Variants in DLG2 observed in about 807,000 individuals in gnomAD.
The protein encoded by DLG2 is disks large homolog 2.
Under a neutral mutation model 132.5 loss-of-function variants are expected in DLG2, and 45 were observed. That is an observed-to-expected ratio of 0.34 (90% CI 0.27 to 0.44). DLG2 has a LOEUF of 0.44. DLG2 is among the 20% of genes least tolerant of loss of function. The pLI is 1.00. For synonymous variants in DLG2, 424 were observed against 419.6 expected (o/e 1.01, Z -0.13); for missense variants, 1,045 against 1,196.9 (o/e 0.87, Z 1.87).
intron 3 of DLG2, among the ~76,000 whole-genome samples, chr11:85,400,797 G>A (rs1490021419): frequency 6.6e-6 from 1 of 151,756 alleles, no homozygotes; most frequent in East Asian, 1.9e-4. Context: ...TGGGGGGAGA[G>A]GGGAGGGATA....
At chr11:84,744,099 A>G (rs1430337443) in intron 6 of DLG2, among the ~76,000 whole-genome samples, 1 of 152,120 alleles carries the variant, frequency 6.6e-6, no homozygotes, top group East Asian at 1.9e-4. Context: ...GGTTGGGTAG[A>G]TTTTATCCAG....
chr11:83,916,937 G>T (rs1232155124), intron 15 of DLG2, among the ~76,000 whole-genome samples: 1 of 152,110 alleles, frequency 6.6e-6, no homozygotes, highest in Non-Finnish European at 1.5e-5. Flanking sequence ...TCTTGGGTGA[G>T]TCTCTTGATT....
chr11:83,987,011 G>T (rs183191407), intron 11 of DLG2, among the ~76,000 whole-genome samples: 2,517 of 152,122 alleles, frequency 0.017, 36 homozygotes, highest in African/African-American at 0.045. Context: ...TTTGTAGGTT[G>T]CCTGTTCACT....
chr11:83,733,408 A>C (rs2091376737), intron 18 of DLG2, among the ~76,000 whole-genome samples: 3 of 152,160 alleles, frequency 2.0e-5, no homozygotes, highest in African/African-American at 7.2e-5. Flanking sequence ...GACCTATCAC[A>C]TCACTGAAAA....
intron 4 of DLG2, among the ~76,000 whole-genome samples, chr11:85,277,593 T>G (rs1319577936): frequency 6.6e-6 from 1 of 152,158 alleles, no homozygotes; most frequent in Non-Finnish European, 1.5e-5. Context: ...CTGAGTTAAC[T>G]TCAGCCTCAG....
intron 20 of DLG2, among the ~76,000 whole-genome samples, chr11:83,533,164 C>T (rs1592639471): frequency 6.6e-6 from 1 of 152,130 alleles, no homozygotes; most frequent in East Asian, 1.9e-4. Context: ...CTCTTCTCTC[C>T]TCCCTTTTTC....
intron 6 of DLG2, among the ~76,000 whole-genome samples, chr11:84,733,032 A>C (rs903106913): frequency 6.6e-6 from 1 of 151,866 alleles, no homozygotes; most frequent in African/African-American, 2.4e-5. Context: ...TCTTAATCCA[A>C]TCTATCATTG....
At chr11:84,095,129 C>T (rs1397941084) in intron 10 of DLG2, among the ~76,000 whole-genome samples, 1 of 151,252 alleles carries the variant, frequency 6.6e-6, no homozygotes, top group Non-Finnish European at 1.5e-5. Flanking sequence ...TGAAAGGAGA[C>T]TGCAGAAGGA....
At chr11:84,537,581 T>G (rs1277271336) in intron 6 of DLG2, among the ~76,000 whole-genome samples, 1 of 152,236 alleles carries the variant, frequency 6.6e-6, no homozygotes, top group East Asian at 1.9e-4. Flanking sequence ...ATATTCACTT[T>G]GTTGTGCAAC....
At chr11:84,816,085 G>T (rs1037153451) in intron 6 of DLG2, among the ~76,000 whole-genome samples, 2 of 152,012 alleles carry the variant, frequency 1.3e-5, no homozygotes, top group Non-Finnish European at 2.9e-5. Context: ...CAAAAGCTCT[G>T]CATCATAGAG....
intron 5 of DLG2, among the ~76,000 whole-genome samples, chr11:85,150,804 A>C (rs1469591685): frequency 6.7e-6 from 1 of 150,234 alleles, no homozygotes; most frequent in Non-Finnish European, 1.5e-5. Context: ...TGCTTCCACC[A>C]CTTGAGTATT....
chr11:85,399,416 A>T (rs1484560729), intron 3 of DLG2, among the ~76,000 whole-genome samples: 1 of 152,196 alleles, frequency 6.6e-6, no homozygotes, highest in Non-Finnish European at 1.5e-5. Flanking sequence ...TCTTCACAGA[A>T]TTGGAAAAAA....
chr11:84,742,792 A>C lies in DLG2; in HGVS notation c.358-208061T>G, dbSNP rs2064853506. ...TTTCACTGCCCAAAAAATCCTCTTT[A>C]TTTTGCCTATTCATCCCTTTACCTA... On this transcript the variant is annotated intron_variant, in intron 6 of 27. Coordinates refer to ENST00000376104, the MANE Select transcript of DLG2 (RefSeq NM_001142699.3). Among the ~76,000 whole-genome samples, 6 of 152,008 alleles carry C rather than the reference A, an allele frequency of 3.9e-5. No homozygotes were observed. The South Asian group carries it at 1.2e-3, about 32-fold the overall frequency.
chr11:83,675,637 T>C (rs1397648059), intron 18 of DLG2, among the ~76,000 whole-genome samples: 1 of 152,212 alleles, frequency 6.6e-6, no homozygotes, highest in African/African-American at 2.4e-5. Flanking sequence ...TAGCTTATAA[T>C]TCAACGGTCA....
chr11:84,958,793 A>C (rs2052082815), intron 6 of DLG2, among the ~76,000 whole-genome samples: 1 of 152,210 alleles, frequency 6.6e-6, no homozygotes, highest in Admixed American at 6.5e-5. Context: ...AAAATAAAAT[A>C]TTCTTAACTA....
chr11:84,461,835 G>T (rs935928767), intron 7 of DLG2, among the ~76,000 whole-genome samples: 11 of 150,624 alleles, frequency 7.3e-5, no homozygotes, highest in Non-Finnish European at 1.2e-4. Context: ...TTCTGGGAGG[G>T]CAGCAACTAC....
At chr11:84,336,120 T>TG (rs112582665) in intron 7 of DLG2, among the ~76,000 whole-genome samples, 52 of 152,306 alleles carry the variant, frequency 3.4e-4, no homozygotes, top group African/African-American at 1.0e-3. Flanking sequence ...TTTCTCATTT[T>TG]GGGGGGGCCC....
At chr11:84,302,205 G>A (rs939562265) in intron 7 of DLG2, among the ~76,000 whole-genome samples, 2 of 152,160 alleles carry the variant, frequency 1.3e-5, no homozygotes, top group African/African-American at 4.8e-5. Context: ...CTGGGGTTGA[G>A]GGGCTAGGGG....
At position 83,459,941 on chromosome 11, in the gene DLG2, C is replaced by T; in HGVS notation, c.2822-17G>A. The stretch of plus-strand genomic sequence containing the variant: ...GGACAATAGCTGTAACAAAAGCAAA[C>T]ACACCCAGAATTAGAAATAATTTCC... On this transcript the variant is annotated splice_polypyrimidine_tract_variant and intron_variant, in intron 27 of 27. Coordinates refer to ENST00000376104, the MANE Select transcript of DLG2 (RefSeq NM_001142699.3). 7.3e-7 allele frequency: 1 copy of T among 1,367,442 alleles called. No homozygotes were observed. Among genetic ancestry groups the T allele is most frequent in the Non-Finnish European group, 1.0e-6 (1 of 961,160 alleles). 84.7% of individuals were successfully genotyped at this position (1,367,442 alleles called of 1,614,324 possible).
Sources: gnomAD v4.1 joint callset for allele counts (sites outside exome capture counted in the v4.1 genomes callset) on GRCh38, gnomAD v4.1.1 for gene constraint, MANE v1.5 for transcripts, NCBI Gene and HGNC (gene_info 2026-07-23, HGNC 2026-07-21) for gene names.